NR2F1-AS1: variants seen among roughly 807,000 people sequenced by gnomAD.
The protein encoded by NR2F1-AS1 is NR2F1 antisense RNA 1.
chr5:93,557,258 T>C (rs1005758871), intron 2 of NR2F1-AS1, among the ~76,000 whole-genome samples: 1 of 152,188 alleles, frequency 6.6e-6, no homozygotes, highest in African/African-American at 2.4e-5. Flanking sequence ...TGACCCATAA[T>C]ACAACCAAAA....
Position 93,423,718 on chromosome 5 carries a change from T to C in NR2F1-AS1, n.639-28176A>G, listed in dbSNP as rs138791622. ...ATACAAAACAGTTCTACATAAATCA[T>C]TCACTCAAACATTTACCGTGCTCCT... On this transcript the variant is annotated intron_variant and non_coding_transcript_variant, in intron 4 of 5. Transcript: ENST00000660523. 9.8e-5 allele frequency among the ~76,000 whole-genome samples: 15 copies of C among 152,312 alleles called. No homozygotes were observed. The East Asian group carries it at 2.9e-3, about 29-fold the overall frequency.
intron 4 of NR2F1-AS1, chr5:93,410,186 A>G (rs945481013): frequency 6.6e-6 from 1 of 152,244 alleles, no homozygotes; most frequent in African/African-American, 2.4e-5. Flanking sequence ...GACAATGAAT[A>G]CAATGAATAC....
chr5:93,581,393 A>T (rs947097709), upstream of NR2F1-AS1: 1 of 152,150 alleles, frequency 6.6e-6, no homozygotes, highest in African/African-American at 2.4e-5. Flanking sequence ...ATATGTAACT[A>T]ATAGAAGTAT....
chr5:93,497,049 A>C (rs1470272541), intron 4 of NR2F1-AS1, among the ~76,000 whole-genome samples: 1 of 152,186 alleles, frequency 6.6e-6, no homozygotes, highest in African/African-American at 2.4e-5. Flanking sequence ...GACTTCTAAA[A>C]TATAACCCTT....
chr5:93,511,232 T>C (rs1251649457), intron 4 of NR2F1-AS1, among the ~76,000 whole-genome samples: 1 of 152,160 alleles, frequency 6.6e-6, no homozygotes, highest in Non-Finnish European at 1.5e-5. Flanking sequence ...ATCCAATTAA[T>C]TGAAGGCCTG....
At chr5:93,529,702 C>G (rs899398921) in intron 4 of NR2F1-AS1, among the ~76,000 whole-genome samples, 1 of 152,076 alleles carries the variant, frequency 6.6e-6, no homozygotes, top group East Asian at 1.9e-4. Context: ...ACTCTAACCA[C>G]GTTTTTCACA....
chr5:93,521,505 C>T (rs995765341), intron 4 of NR2F1-AS1, among the ~76,000 whole-genome samples: 1 of 152,056 alleles, frequency 6.6e-6, no homozygotes, highest in Non-Finnish European at 1.5e-5. Context: ...AAAACTTAAA[C>T]AAATTTGCAA....
chr5:93,486,410 A>G lies in NR2F1-AS1; in HGVS notation n.638+67351T>C, dbSNP rs1251771048. 5.3e-5 allele frequency among the ~76,000 whole-genome samples: 8 copies of G among 152,178 alleles called. No individual in the cohort carries two copies. The East Asian group carries it at 1.5e-3, about 29-fold the overall frequency. ...TACACAATAAAAAATGATAAAGGTG[A>G]TATCACCACTGATCCCACAGAAATA... On this transcript the variant is annotated intron_variant and non_coding_transcript_variant, in intron 4 of 5. Transcript: ENST00000660523.
chr5:93,541,425 T>G (rs964075652), intron 4 of NR2F1-AS1, among the ~76,000 whole-genome samples: 1 of 152,212 alleles, frequency 6.6e-6, no homozygotes, highest in Admixed American at 6.5e-5. Context: ...TCAATAACCC[T>G]AATCCTGATA....
chr5:93,568,318 T>C (rs1428509165), intron 1 of NR2F1-AS1, among the ~76,000 whole-genome samples: 1 of 152,212 alleles, frequency 6.6e-6, no homozygotes, highest in Non-Finnish European at 1.5e-5. Context: ...CTAAGTATAT[T>C]TATTTATACT....
intron 4 of NR2F1-AS1, among the ~76,000 whole-genome samples, chr5:93,435,237 G>A (rs1329173739): frequency 2.0e-5 from 3 of 151,972 alleles, no homozygotes; most frequent in Admixed American, 2.0e-4. Flanking sequence ...GTTTAAGTGT[G>A]AACTCATGAT....
chr5:93,584,810 G>A (rs1274961211), upstream of NR2F1-AS1: 104 of 155,998 alleles, frequency 6.7e-4, 3 homozygotes, highest in East Asian at 0.012. Flanking sequence ...CAGCGGGGCG[G>A]CCGAGGCAGT....
At chr5:93,441,084 T>C (rs996672304) in intron 4 of NR2F1-AS1, among the ~76,000 whole-genome samples, 2 of 152,192 alleles carry the variant, frequency 1.3e-5, no homozygotes, top group Admixed American at 6.5e-5. Context: ...AGAGATAACA[T>C]AAAGTATTGT....
intron 4 of NR2F1-AS1, among the ~76,000 whole-genome samples, chr5:93,492,341 G>A (rs749606558): frequency 6.6e-6 from 1 of 152,108 alleles, no homozygotes; most frequent in South Asian, 2.1e-4. Flanking sequence ...GTGCTACATG[G>A]CTTCACTGTT....
At position 93,550,992 on chromosome 5, in the gene NR2F1-AS1, C is replaced by T. The variant is rs560891661; in HGVS notation, n.638+2769G>A. ...TTTTTTTTTTTTAGTATTCTTATTT[C>T]GTTATGTGACTTTTATTGCCATTTT... On this transcript the variant is annotated intron_variant and non_coding_transcript_variant, in intron 4 of 5. Transcript: ENST00000660523. 1.1e-3 allele frequency among the ~76,000 whole-genome samples: 168 copies of T among 150,898 alleles called. 1 individual carries two copies. The highest frequency in any genetic ancestry group is 3.7e-3 in the African/African-American group (151 of 41,164).
At chr5:93,572,910 C>G (rs1304337073) in intron 1 of NR2F1-AS1, among the ~76,000 whole-genome samples, 1 of 152,214 alleles carries the variant, frequency 6.6e-6, no homozygotes, top group African/African-American at 2.4e-5. Flanking sequence ...GGGCCGGATC[C>G]TCCGCTTCCC....
chr5:93,530,370 G>A (rs2149900014), intron 4 of NR2F1-AS1, among the ~76,000 whole-genome samples: 1 of 152,186 alleles, frequency 6.6e-6, no homozygotes, highest in Non-Finnish European at 1.5e-5. Flanking sequence ...GCGATTTGAA[G>A]GCTTTTATAT....
chr5:93,564,150 A>AAAAAAAAAC (rs1580337872), intron 1 of NR2F1-AS1, among the ~76,000 whole-genome samples: 2 of 127,806 alleles, frequency 1.6e-5, no homozygotes, highest in Non-Finnish European at 3.1e-5. Context: ...AAAAAAAAAA[A>AAAAAAAAAC]CACACAACTA....
At chr5:93,463,041 T>A (rs1750132819) in intron 4 of NR2F1-AS1, among the ~76,000 whole-genome samples, 1 of 152,220 alleles carries the variant, frequency 6.6e-6, no homozygotes, top group Non-Finnish European at 1.5e-5. Context: ...AGCCAAATGT[T>A]AATTGCCAAG....
Sources: allele counts gnomAD v4.1 joint callset (sites outside exome capture counted in the v4.1 genomes callset), GRCh38; gene constraint gnomAD v4.1.1; transcripts MANE v1.5; gene names NCBI Gene and HGNC (gene_info 2026-07-23, HGNC 2026-07-21).